Variants in AKAP6 observed in about 807,000 individuals in gnomAD.
The protein encoded by AKAP6 is A-kinase anchoring protein 6, also known as A-kinase anchor protein 6.
A neutral mutation model predicts 188.5 loss-of-function variants in AKAP6; 58 were observed. The observed-to-expected ratio is 0.31, with a 90% CI of 0.25 to 0.38. The LOEUF is 0.38. Among genes scored for constraint, AKAP6 ranks in the 10% least tolerant of loss-of-function variants. AKAP6 has a pLI of 1.00. For synonymous variants in AKAP6, 989 were observed against 998.6 expected (o/e 0.99, Z 0.18); for missense variants, 2,710 against 2,740.0 (o/e 0.99, Z 0.24).
intron 1 of AKAP6, among the ~76,000 whole-genome samples, chr14:32,372,563 CTT>C (rs11414064): frequency 2.0e-5 from 3 of 147,942 alleles, no homozygotes; most frequent in African/African-American, 7.4e-5. Context: ...TTTAAGATCA[CTT>C]TTTTTTTTTT....
At chr14:32,387,343 T>G (rs1477605492) in intron 1 of AKAP6, among the ~76,000 whole-genome samples, 1 of 152,016 alleles carries the variant, frequency 6.6e-6, no homozygotes, top group Admixed American at 6.6e-5. Context: ...AGAGAAGTGA[T>G]GAGAGTAGGC....
chr14:32,506,013 T>C (rs1880857650), intron 2 of AKAP6, among the ~76,000 whole-genome samples: 1 of 151,864 alleles, frequency 6.6e-6, no homozygotes, highest in Non-Finnish European at 1.5e-5. Context: ...CGTCGTGGCA[T>C]GGACCTGTAG....
intron 3 of AKAP6, among the ~76,000 whole-genome samples, chr14:32,544,239 T>A (rs951772046): frequency 3.2e-4 from 49 of 152,170 alleles, no homozygotes; most frequent in African/African-American, 1.1e-3. Context: ...TCAGTTTTCT[T>A]TTTTCATTTC....
intron 1 of AKAP6, among the ~76,000 whole-genome samples, chr14:32,397,037 A>G (rs565223502): frequency 6.6e-5 from 10 of 152,322 alleles, no homozygotes; most frequent in African/African-American, 2.2e-4. Flanking sequence ...ACAAAAAAGT[A>G]GTTTCCTTAG....
At chr14:32,357,690 C>A (rs552740869) in intron 1 of AKAP6, among the ~76,000 whole-genome samples, 1 of 152,204 alleles carries the variant, frequency 6.6e-6, no homozygotes, top group African/African-American at 2.4e-5. Flanking sequence ...GTTCCTTTCT[C>A]GAAACACCTT....
chr14:32,486,443 C>G (rs1411541634), intron 2 of AKAP6, among the ~76,000 whole-genome samples: 1 of 152,086 alleles, frequency 6.6e-6, no homozygotes, highest in African/African-American at 2.4e-5. Context: ...TTTTCCTATC[C>G]AAGAGCATGG....
rs546819675 is a variant in AKAP6, at chr14:32,811,255, A to AAAAAAAAAAAAAAAAAAAAT, written c.3589-10146_3589-10145insAAAAAAAAAAAAAAAAAATA. On this transcript the variant is annotated intron_variant, in intron 12 of 13. Coordinates refer to ENST00000280979, the MANE Select transcript of AKAP6 (RefSeq NM_004274.5). ...CTCCGTCTCAGGAAAAAAAAAAAAAAAGTTGAAAAACAGACTAAGATAATG... is the reference window on the plus strand; with the variant it reads ...CTCCGTCTCAGGAAAAAAAAAAAAAAAAAAAAAAAAAAAAAAAAATAGTTGAAAAACAGACTAAGATAATG... Among the ~76,000 whole-genome samples, 243 of 118,234 alleles carry AAAAAAAAAAAAAAAAAAAAT rather than the reference A, an allele frequency of 2.1e-3. 17 individuals carry two copies. Among genetic ancestry groups the AAAAAAAAAAAAAAAAAAAAT allele is most frequent in the East Asian group, 3.9e-3 (15 of 3,840 alleles). 77.6% of individuals were successfully genotyped at this position (118,234 alleles called of 152,430 possible).
At chr14:32,482,350 T>C (rs1957032) in intron 2 of AKAP6, among the ~76,000 whole-genome samples, 97,521 of 152,056 alleles carry the variant, frequency 0.64, 32,429 homozygotes, top group East Asian at 0.86. Context: ...TCTAAATATA[T>C]TAAGACTAGT....
intron 3 of AKAP6, among the ~76,000 whole-genome samples, chr14:32,543,382 T>C (rs1203058502): frequency 6.6e-6 from 1 of 152,240 alleles, no homozygotes; most frequent in Non-Finnish European, 1.5e-5. Context: ...GATTTCCTTC[T>C]TTTTGAAGGC....
intron 1 of AKAP6, among the ~76,000 whole-genome samples, chr14:32,404,691 G>GATAGATAT: frequency 0.058 from 2,569 of 44,472 alleles, 383 homozygotes; most frequent in Middle Eastern, 0.16. Flanking sequence ...GGAGTCAGGA[G>GATAGATAT]ATATATATAT....
At position 32,521,789 on chromosome 14, in the gene AKAP6, TC is replaced by T. The variant is rs1429305767; in HGVS notation, c.325-13761del. ...AAGGTAATTTATAGATTCAATGCCA[TC>T]CCCATCAAGCTACCAATGACTTTCT... is the stretch of plus-strand genomic sequence containing the variant. On this transcript the variant is annotated intron_variant, in intron 2 of 13. Transcript: ENST00000280979. Among the ~76,000 whole-genome samples the T allele has an allele frequency of 1.1e-4, 17 of 152,208 alleles. No individual in the cohort carries two copies. The East Asian group carries it at 3.3e-3, about 29-fold the overall frequency.
intron 5 of AKAP6, 111 bp downstream of exon 5, chr14:32,577,353 T>G (rs1884775233): frequency 7.1e-7 from 1 of 1,405,680 alleles, no homozygotes; most frequent in South Asian, 1.4e-5. Flanking sequence ...TATATGTCAA[T>G]GAAACCAAAT....
At position 32,587,070 on chromosome 14, in the gene AKAP6, C is replaced by T. The variant is rs562835679; in HGVS notation, c.2469+9828C>T. On this transcript the variant is annotated intron_variant, in intron 5 of 13. Transcript: ENST00000280979. ...TTATTACATTTGTTGAACTTTGTCC[C>T]TCTGATAGTTACAGATGGCATCTTA... 7.2e-5 allele frequency among the ~76,000 whole-genome samples: 11 copies of T among 152,268 alleles called. No individual in the cohort carries two copies. The East Asian group carries it at 2.1e-3, about 29-fold the overall frequency.
At chr14:32,391,847 T>G (rs548804474) in intron 1 of AKAP6, among the ~76,000 whole-genome samples, 276 of 152,320 alleles carry the variant, frequency 1.8e-3, no homozygotes, top group African/African-American at 6.4e-3. Flanking sequence ...CTTTTCTTTA[T>G]ATATTACCCA....
At chr14:32,615,167 CAAAA>C (rs71115086) in intron 7 of AKAP6, among the ~76,000 whole-genome samples, 18 of 53,504 alleles carry the variant, frequency 3.4e-4, no homozygotes, top group African/African-American at 9.5e-4. Context: ...GACTCTGTCT[CAAAA>C]AAAAAAAAAA....
chr14:32,449,596 A>C (rs1594625274), intron 2 of AKAP6, among the ~76,000 whole-genome samples: 1 of 152,038 alleles, frequency 6.6e-6, no homozygotes, highest in East Asian at 1.9e-4. Flanking sequence ...TGGAGAAGAC[A>C]GCTCTGGTCC....
chr14:32,354,271 A>G (rs1035100532), intron 1 of AKAP6, among the ~76,000 whole-genome samples: 10 of 151,872 alleles, frequency 6.6e-5, no homozygotes, highest in African/African-American at 2.4e-4. Flanking sequence ...ATATAGATCA[A>G]TGGAACAGAA....
chr14:32,388,103 T>C (rs1035870433), intron 1 of AKAP6, among the ~76,000 whole-genome samples: 4 of 152,126 alleles, frequency 2.6e-5, no homozygotes, highest in Admixed American at 2.6e-4. Flanking sequence ...AATTTATCCA[T>C]CTCTTCTAGG....
intron 2 of AKAP6, among the ~76,000 whole-genome samples, chr14:32,499,575 A>C (rs191042841): frequency 3.4e-4 from 51 of 152,074 alleles, no homozygotes; most frequent in Middle Eastern, 6.8e-3. Flanking sequence ...AGATAATACA[A>C]AGCAGTGTTA....
Sources: gnomAD v4.1 joint callset for allele counts (sites outside exome capture counted in the v4.1 genomes callset) on GRCh38, gnomAD v4.1.1 for gene constraint, MANE v1.5 for transcripts, NCBI Gene and HGNC (gene_info 2026-07-23, HGNC 2026-07-21) for gene names.